ZBTB20: variants seen among roughly 807,000 people sequenced by gnomAD.
The protein encoded by ZBTB20 is zinc finger and BTB domain containing 20, also known as zinc finger and BTB domain-containing protein 20.
Under a neutral mutation model 56.9 loss-of-function variants are expected in ZBTB20, and 9 were observed. The ratio of observed to expected loss-of-function variants is 0.16; its 90% CI spans 0.10 to 0.28. The LOEUF is 0.28. Among genes scored for constraint, ZBTB20 ranks in the 10% least tolerant of loss-of-function variants. ZBTB20 has a pLI of 1.00. For missense variants in ZBTB20, 655 were observed against 1,003.0 expected (o/e 0.65, Z 4.69); for synonymous variants, 417 against 420.7 (o/e 0.99, Z 0.11).
intron 7 of ZBTB20, among the ~76,000 whole-genome samples, chr3:114,448,141 T>C (rs2091379406): frequency 1.3e-5 from 2 of 152,122 alleles, no homozygotes. Context: ...TGGGGAAGCC[T>C]GCAGCCACCC....
At chr3:114,680,346 C>T (rs1215820785) in intron 6 of ZBTB20, among the ~76,000 whole-genome samples, 1 of 152,010 alleles carries the variant, frequency 6.6e-6, no homozygotes, top group Non-Finnish European at 1.5e-5. Flanking sequence ...CAGTGCCTTG[C>T]CTATTCTTCT....
chr3:114,472,969 C>A (rs1300753948), intron 7 of ZBTB20, among the ~76,000 whole-genome samples: 1 of 152,180 alleles, frequency 6.6e-6, no homozygotes, highest in African/African-American at 2.4e-5. Context: ...TTATTTCACG[C>A]TAAACCTGTG....
intron 6 of ZBTB20, among the ~76,000 whole-genome samples, chr3:114,516,919 C>A (rs1226978611): frequency 6.6e-6 from 1 of 152,168 alleles, no homozygotes; most frequent in Non-Finnish European, 1.5e-5. Context: ...CAAAAAATTT[C>A]TGTTGTTTAA....
At chr3:114,579,786 A>G (rs903839493) in intron 6 of ZBTB20, among the ~76,000 whole-genome samples, 14 of 151,606 alleles carry the variant, frequency 9.2e-5, no homozygotes, top group Non-Finnish European at 1.9e-4. Context: ...ATAACTTTGT[A>G]CAAATAAATT....
At chr3:115,017,028 G>A (rs1440200037) in intron 2 of ZBTB20, among the ~76,000 whole-genome samples, 1 of 151,466 alleles carries the variant, frequency 6.6e-6, no homozygotes, top group Non-Finnish European at 1.5e-5. Flanking sequence ...GGAAGTTCTG[G>A]CCAGGGCAAT....
intron 4 of ZBTB20, among the ~76,000 whole-genome samples, chr3:114,894,632 G>C (rs2074794028): frequency 1.3e-5 from 2 of 152,140 alleles, no homozygotes; most frequent in Non-Finnish European, 2.9e-5. Context: ...GACAGAGACA[G>C]ATACTTACAG....
chr3:114,495,594 T>C (rs1344694694), intron 7 of ZBTB20, among the ~76,000 whole-genome samples: 4 of 152,266 alleles, frequency 2.6e-5, no homozygotes, highest in South Asian at 2.1e-4. Flanking sequence ...CACCATCTGA[T>C]AGGTAGAAAG....
At chr3:114,749,289 C>G (rs1353105364) in intron 5 of ZBTB20, among the ~76,000 whole-genome samples, 1 of 152,086 alleles carries the variant, frequency 6.6e-6, no homozygotes, top group African/African-American at 2.4e-5. Context: ...TGCGGTGGCT[C>G]AAGCCTGTAA....
In ZBTB20 at chr3:114,321,075, A is replaced by G. The variant is rs924725133; in HGVS notation, c.*17930T>C. 6.6e-6 allele frequency: 1 copy of G among 152,246 alleles called. No homozygotes were observed. The highest frequency in any genetic ancestry group is 2.4e-5 in the African/African-American group (1 of 41,466). The allele number at this position is 152,246 out of a possible 1,614,324, so 9.4% of individuals were successfully genotyped here. A position where few individuals can be genotyped will look rare whatever the true frequency, so the allele number is the denominator to read the frequency against. On this transcript the variant is annotated 3_prime_UTR_variant, in exon 12 of 12. Coordinates refer to ENST00000675478, the MANE Select transcript of ZBTB20 (RefSeq NM_001348800.3). ...AGGTGGACAGTAAGACCAGGTGGAC[A>G]GCATTTGAGAAACTGGCTGGACACA...
At chr3:115,117,508 T>C (rs1326996645) in intron 1 of ZBTB20, among the ~76,000 whole-genome samples, 1 of 152,124 alleles carries the variant, frequency 6.6e-6, no homozygotes, top group Non-Finnish European at 1.5e-5. Context: ...TGAAATCAAG[T>C]TTGCCTAGGT....
At chr3:114,931,259 G>T in intron 3 of ZBTB20, 1 of 192,692 alleles carries the variant, frequency 5.2e-6, no homozygotes, top group South Asian at 1.1e-4. Context: ...AGCCAGCCTA[G>T]AGAGGACGGC....
At chr3:114,886,761 T>A (rs2076616577) in intron 4 of ZBTB20, among the ~76,000 whole-genome samples, 1 of 152,152 alleles carries the variant, frequency 6.6e-6, no homozygotes, top group Non-Finnish European at 1.5e-5. Flanking sequence ...TGATTCATAA[T>A]TCCATGAAAT....
intron 6 of ZBTB20, among the ~76,000 whole-genome samples, chr3:114,563,768 A>G (rs76852202): frequency 0.045 from 6,847 of 152,264 alleles, 188 homozygotes; most frequent in South Asian, 0.1. Flanking sequence ...AAATGATGCC[A>G]CAAAGACAGC....
intron 1 of ZBTB20, among the ~76,000 whole-genome samples, chr3:115,076,835 T>G (rs918613605): frequency 6.6e-6 from 1 of 152,226 alleles, no homozygotes; most frequent in Non-Finnish European, 1.5e-5. Context: ...AGACAATTTA[T>G]CCAAGGACAG....
At chr3:114,887,168 T>C in intron 4 of ZBTB20, among the ~76,000 whole-genome samples, 1 of 152,148 alleles carries the variant, frequency 6.6e-6, no homozygotes, top group East Asian at 1.9e-4. Flanking sequence ...GACTCATCCA[T>C]TCATGGGCCC....
At chr3:114,979,937 A>C (rs1451930243) in intron 2 of ZBTB20, among the ~76,000 whole-genome samples, 2 of 152,014 alleles carry the variant, frequency 1.3e-5, no homozygotes, top group Non-Finnish European at 2.9e-5. Context: ...AGCCATCTGA[A>C]ATAAAGTCAA....
chr3:114,958,124 C>T (rs545448869), intron 3 of ZBTB20, among the ~76,000 whole-genome samples: 1 of 152,296 alleles, frequency 6.6e-6, no homozygotes, highest in East Asian at 1.9e-4. Flanking sequence ...TTCCTTAAAG[C>T]TGTAAAGCCA....
chr3:114,824,910 T>C (rs950768233), intron 4 of ZBTB20, among the ~76,000 whole-genome samples: 1 of 151,986 alleles, frequency 6.6e-6, no homozygotes, highest in Non-Finnish European at 1.5e-5. Context: ...TTATTGCTAG[T>C]AAGAGAATAA....
At chr3:114,882,085 A>G (rs983685565) in intron 4 of ZBTB20, among the ~76,000 whole-genome samples, 10 of 151,962 alleles carry the variant, frequency 6.6e-5, no homozygotes, top group African/African-American at 2.2e-4. Context: ...CATAATATAC[A>G]AAGAGGCTAT....
Sources: allele counts gnomAD v4.1 joint callset (sites outside exome capture counted in the v4.1 genomes callset), GRCh38; gene constraint gnomAD v4.1.1; transcripts MANE v1.5; gene names NCBI Gene and HGNC (gene_info 2026-07-23, HGNC 2026-07-21).